The following TUSC3 variants were observed in gnomAD, a reference collection of about 807,000 sequenced individuals.
The protein encoded by TUSC3 is dolichyl-diphosphooligosaccharide--protein glycosyltransferase subunit TUSC3.
A neutral mutation model predicts 44.8 loss-of-function variants in TUSC3; 45 were observed. The observed-to-expected ratio is 1.00, with a 90% confidence interval of 0.79 to 1.29. TUSC3 has a LOEUF of 1.29. Ranked by LOEUF, TUSC3 falls within the 50% of genes most tolerant of loss-of-function variation. The probability of loss-of-function intolerance (pLI) is 0.00; values close to 1 mark genes in which losing one functional copy is unlikely to be tolerated. For synonymous variants in TUSC3, 212 were observed against 152.9 expected (o/e 1.39, Z -2.85); for missense variants, 519 against 437.9 (o/e 1.19, Z -1.65).
At chr8:15,499,088 T>C (rs1800922101) in intron 2 of TUSC3, among the ~76,000 whole-genome samples, 1 of 152,068 alleles carries the variant, frequency 6.6e-6, no homozygotes, top group Non-Finnish European at 1.5e-5. Context: ...GCCATCAGAC[T>C]CCATCACCCA....
intron 1 of TUSC3, among the ~76,000 whole-genome samples, chr8:15,579,040 C>T (rs200399213): frequency 0.084 from 12,761 of 151,706 alleles, 688 homozygotes; most frequent in South Asian, 0.26. Context: ...CTGGTTTAGT[C>T]TTGGGAGAGT....
At chr8:15,668,031 A>G (rs1807752055) in intron 5 of TUSC3, among the ~76,000 whole-genome samples, 1 of 151,772 alleles carries the variant, frequency 6.6e-6, no homozygotes, top group South Asian at 2.1e-4. Context: ...ACATGTGGTT[A>G]TGTTCAGTTG....
At chr8:15,787,466 A>ATG in the TUSC3 span, among the ~76,000 whole-genome samples, 2 of 152,216 alleles carry the variant, frequency 1.3e-5, no homozygotes, top group Non-Finnish European at 2.9e-5. Context: ...CCTGGAGTGT[A>ATG]TGTGCATCAG....
intron 2 of TUSC3, among the ~76,000 whole-genome samples, chr8:15,636,570 G>A (rs547927391): frequency 6.6e-6 from 1 of 152,162 alleles, no homozygotes; most frequent in Admixed American, 6.5e-5. Context: ...TCATGTTGCC[G>A]TAGGCATTAG....
chr8:15,728,198 C>T (rs893805153), intron 6 of TUSC3, among the ~76,000 whole-genome samples: 1 of 152,022 alleles, frequency 6.6e-6, no homozygotes, highest in Non-Finnish European at 1.5e-5. Flanking sequence ...GGGTTCTGAG[C>T]AAAGTAATGA....
chr8:15,801,442 CTGTT>C, the TUSC3 span, among the ~76,000 whole-genome samples: 4 of 152,050 alleles, frequency 2.6e-5, no homozygotes, highest in East Asian at 7.7e-4. Flanking sequence ...GTTTCACAAA[CTGTT>C]TGGAGAATTC....
At chr8:15,533,755 G>A (rs1306936740) in intron 2 of TUSC3, among the ~76,000 whole-genome samples, 7 of 152,184 alleles carry the variant, frequency 4.6e-5, no homozygotes, top group Non-Finnish European at 1.0e-4. Context: ...CAGGGCGAGA[G>A]AAGGCTCTGA....
chr8:15,507,713 T>C (rs574594317), intron 2 of TUSC3, among the ~76,000 whole-genome samples: 3 of 152,136 alleles, frequency 2.0e-5, no homozygotes, highest in South Asian at 2.1e-4. Flanking sequence ...GAGAACTTGA[T>C]AGGTATTGGA....
chr8:15,529,493 T>C (rs1259631676), intron 2 of TUSC3, among the ~76,000 whole-genome samples: 1 of 152,164 alleles, frequency 6.6e-6, no homozygotes, highest in East Asian at 1.9e-4. Flanking sequence ...TTAAAAATAA[T>C]TGAATGAAAT....
chr8:15,485,034 C>T (rs959176095), intron 2 of TUSC3, among the ~76,000 whole-genome samples: 3 of 152,132 alleles, frequency 2.0e-5, no homozygotes, highest in South Asian at 2.1e-4. Flanking sequence ...ATCCTCTGCC[C>T]TAAGTGTGTC....
upstream of TUSC3, among the ~76,000 whole-genome samples, chr8:15,538,233 A>G (rs1801554477): frequency 6.6e-6 from 1 of 152,172 alleles, no homozygotes; most frequent in Admixed American, 6.5e-5. Context: ...CTTTGTTTTT[A>G]TGTTTAGTCT....
the TUSC3 span, among the ~76,000 whole-genome samples, chr8:15,791,647 A>G: frequency 6.6e-6 from 1 of 152,160 alleles, no homozygotes; most frequent in Admixed American, 6.6e-5. Flanking sequence ...CTCAAATACA[A>G]AACCATTTCC....
At chr8:15,785,101 G>C in the TUSC3 span, among the ~76,000 whole-genome samples, 2 of 151,908 alleles carry the variant, frequency 1.3e-5, no homozygotes, top group African/African-American at 2.4e-5. Flanking sequence ...ACTAAAGAAT[G>C]AATTTCTAAC....
intron 2 of TUSC3, among the ~76,000 whole-genome samples, chr8:15,635,057 C>CTT (rs34353325): frequency 6.7e-6 from 1 of 149,946 alleles, no homozygotes; most frequent in African/African-American, 2.5e-5. Flanking sequence ...TTTCCTAAGC[C>CTT]TTTTTTTTTT....
In TUSC3 at chr8:15,581,357, G is replaced by A. The variant is rs914797007; in HGVS notation, c.138+40789G>A. On this transcript the variant is annotated intron_variant, in intron 1 of 10. Coordinates refer to ENST00000503731, the MANE Select transcript of TUSC3 (RefSeq NM_006765.4). Reference sequence around the variant, plus strand: ...TCCATCCAGCTTTGTTCCGTTGCTGGTGAGGAACTGCGTTCCTTTGGAGGA... The same window carrying A: ...TCCATCCAGCTTTGTTCCGTTGCTGATGAGGAACTGCGTTCCTTTGGAGGA... Among the ~76,000 whole-genome samples the A allele has an allele frequency of 7.8e-3, 1,167 of 150,114 alleles. 18 individuals carry two copies. The highest frequency in any genetic ancestry group is 0.021 in the Middle Eastern group (6 of 292).
At chr8:15,599,003 T>C (rs1585139633) in intron 1 of TUSC3, among the ~76,000 whole-genome samples, 1 of 151,968 alleles carries the variant, frequency 6.6e-6, no homozygotes. Flanking sequence ...ATGGTAATTT[T>C]ATAAGAAACT....
chr8:15,640,544 TTTTAGTTTTTA>T (rs1366833557), intron 2 of TUSC3, among the ~76,000 whole-genome samples: 1 of 152,216 alleles, frequency 6.6e-6, no homozygotes, highest in Non-Finnish European at 1.5e-5. Context: ...TTAATATTCA[TTTTAGTTTTTA>T]TTTAGTTTTT....
In TUSC3 at chr8:15,765,479, C is replaced by G. The variant is rs994078279; in HGVS notation, c.*1323C>G. The G allele has an allele frequency of 8.6e-5, 13 of 151,900 alleles. No individual in the cohort carries two copies. Among genetic ancestry groups the G allele is most frequent in the African/African-American group, 3.1e-4 (13 of 41,396 alleles). 9.4% of individuals were successfully genotyped at this position (151,900 alleles called of 1,614,324 possible). On this transcript the variant is annotated 3_prime_UTR_variant, in exon 11 of 11. Coordinates refer to ENST00000503731, the MANE Select transcript of TUSC3 (RefSeq NM_006765.4). ...CTCAAACAAGAAACGGGTGTACAACCATTGAGTTTACTTACTTAAATCTGT... is the reference window on the plus strand; with the variant it reads ...CTCAAACAAGAAACGGGTGTACAACGATTGAGTTTACTTACTTAAATCTGT...
At chr8:15,677,968 G>A (rs1344629969) in intron 6 of TUSC3, among the ~76,000 whole-genome samples, 1 of 152,210 alleles carries the variant, frequency 6.6e-6, no homozygotes, top group African/African-American at 2.4e-5. Flanking sequence ...AGTGATTTAA[G>A]TGAAAGAAGT....
Sources: allele counts gnomAD v4.1 joint callset (sites outside exome capture counted in the v4.1 genomes callset), GRCh38; gene constraint gnomAD v4.1.1; transcripts MANE v1.5; gene names NCBI Gene and HGNC (gene_info 2026-07-23, HGNC 2026-07-21).